The following RANBP2 variants were observed in gnomAD, a reference collection of about 807,000 sequenced individuals.
The protein encoded by RANBP2 is E3 SUMO-protein ligase RanBP2.
Under a neutral mutation model 303.6 loss-of-function variants are expected in RANBP2, and 57 were observed. The ratio of observed to expected loss-of-function variants is 0.19; its 90% CI spans 0.15 to 0.23. The LOEUF is 0.23. RANBP2 is among the 10% of genes least tolerant of loss of function. The pLI, the probability that RANBP2 is intolerant of heterozygous loss-of-function variation, is 1.00. For synonymous variants in RANBP2, 1,167 were observed against 1,301.5 expected, an observed-to-expected ratio of 0.90 and a Z score of 2.23; for missense variants, 3,138 against 3,780.8, an observed-to-expected ratio of 0.83 and a Z score of 4.46.
At chr2:108,754,025 T>C in intron 15 of RANBP2, 54 bp downstream of exon 15, 3 of 1,611,132 alleles carry the variant, frequency 1.9e-6, no homozygotes, top group South Asian at 1.1e-5. Context: ...CTGGTCAATG[T>C]TTTTGCGTTG....
At chr2:109,023,284 A>G in the RANBP2 span, among the ~76,000 whole-genome samples, 1 of 152,226 alleles carries the variant, frequency 6.6e-6, no homozygotes, top group Admixed American at 6.5e-5. Flanking sequence ...GCAGTAAAGG[A>G]TCCCAAACTT....
At position 108,764,236 on chromosome 2, in the gene RANBP2, C is replaced by T. The variant is rs948404019; in HGVS notation, c.3697C>T (p.Leu1233=). 4 of 1,614,050 alleles carry T rather than the reference C, an allele frequency of 2.5e-6. No individual in the cohort carries two copies. Among genetic ancestry groups the T allele is most frequent in the Non-Finnish European group, 3.4e-6 (4 of 1,179,988 alleles). The change falls in exon 20 of 29, where the codon CTA becomes TTA. Residue 1233 remains leucine, a synonymous_variant. Coordinates refer to ENST00000283195, the MANE Select transcript of RANBP2 (RefSeq NM_006267.5). ...RHKTSGKIRL[L]MRREQVLKIC... ...TAAAACATCTGGTAAAATTCGCCTT[C>T]TAATGAGACGAGAGCAAGTATTGAA...
At chr2:109,391,112 C>T in the RANBP2 span, among the ~76,000 whole-genome samples, 87 of 152,324 alleles carry the variant, frequency 5.7e-4, no homozygotes, top group African/African-American at 2.0e-3. Flanking sequence ...CCATTCGCTC[C>T]GACTCCCTCC....
At chr2:109,625,046 ACTCCAGCC>A in the RANBP2 span, among the ~76,000 whole-genome samples, 1 of 144,640 alleles carries the variant, frequency 6.9e-6, no homozygotes, top group African/African-American at 2.6e-5. Flanking sequence ...GCACCACTGC[ACTCCAGCC>A]CTGGTGACAC....
downstream of RANBP2, chr2:108,786,813 G>A (rs747839391): frequency 6.3e-7 from 1 of 1,584,580 alleles, no homozygotes; most frequent in Middle Eastern, 1.7e-4. Flanking sequence ...TGGTACGGTT[G>A]CTGTGTGCTA....
chr2:108,886,374 T>A, the RANBP2 span, among the ~76,000 whole-genome samples: 1 of 152,198 alleles, frequency 6.6e-6, no homozygotes, highest in Admixed American at 6.5e-5. Context: ...TGGTTACCTG[T>A]ATGTCTTCTT....
At chr2:109,509,116 C>T in the RANBP2 span, among the ~76,000 whole-genome samples, 1 of 152,194 alleles carries the variant, frequency 6.6e-6, no homozygotes, top group Non-Finnish European at 1.5e-5. Flanking sequence ...CTTCTCTCCA[C>T]CCCTTCCCAC....
chr2:109,136,884 C>T, the RANBP2 span, among the ~76,000 whole-genome samples: 2 of 152,136 alleles, frequency 1.3e-5, no homozygotes, highest in Non-Finnish European at 2.9e-5. Flanking sequence ...TCTCTGAGAG[C>T]AAGACCTCAC....
At chr2:109,442,366 T>C in the RANBP2 span, among the ~76,000 whole-genome samples, 10 of 150,946 alleles carry the variant, frequency 6.6e-5, no homozygotes, top group Non-Finnish European at 1.3e-4. Flanking sequence ...AATGAAATTA[T>C]TTAGAAAGAA....
the RANBP2 span, among the ~76,000 whole-genome samples, chr2:109,132,370 ACTGG>A: frequency 6.6e-6 from 1 of 152,158 alleles, no homozygotes. Flanking sequence ...GTTTGGTTTT[ACTGG>A]CAGGACACAA....
At chr2:109,530,662 C>A in the RANBP2 span, among the ~76,000 whole-genome samples, 1 of 152,176 alleles carries the variant, frequency 6.6e-6, no homozygotes, top group Non-Finnish European at 1.5e-5. Context: ...TCTGGGTGTA[C>A]CTTTCTGTGT....
At chr2:109,364,901 G>A in the RANBP2 span, among the ~76,000 whole-genome samples, 2 of 152,122 alleles carry the variant, frequency 1.3e-5, no homozygotes, top group African/African-American at 4.8e-5. Flanking sequence ...GACCAGCCTG[G>A]CCAACATGGT....
At chr2:108,987,411 G>A in the RANBP2 span, among the ~76,000 whole-genome samples, 2 of 152,154 alleles carry the variant, frequency 1.3e-5, no homozygotes, top group African/African-American at 2.4e-5. Context: ...TTGGGCTGCC[G>A]CCCAATGGCA....
the RANBP2 span, chr2:109,592,963 A>G: frequency 1.3e-6 from 1 of 789,780 alleles, no homozygotes; most frequent in South Asian, 3.7e-5. Context: ...TCTCTATCAC[A>G]AGAGTCTATA....
At chr2:108,948,988 AT>A in the RANBP2 span, among the ~76,000 whole-genome samples, 1 of 152,048 alleles carries the variant, frequency 6.6e-6, no homozygotes, top group Non-Finnish European at 1.5e-5. Context: ...AAACACATAC[AT>A]GTTTTTAGGC....
At chr2:108,913,949 C>A in the RANBP2 span, among the ~76,000 whole-genome samples, 508 of 109,004 alleles carry the variant, frequency 4.7e-3, no homozygotes, top group Middle Eastern at 5.7e-3. Flanking sequence ...GATTCCGTCT[C>A]AAAAAAAAAA....
chr2:108,796,611 A>ATC, the RANBP2 span, among the ~76,000 whole-genome samples: 1 of 152,250 alleles, frequency 6.6e-6, no homozygotes, highest in Non-Finnish European at 1.5e-5. Flanking sequence ...AAAATGTGGT[A>ATC]TCTATACACA....
At position 108,756,313 on chromosome 2, in the gene RANBP2, C is replaced by A. The variant is rs572356525; in HGVS notation, c.2466+1054C>A. 2.2e-3 allele frequency among the ~76,000 whole-genome samples: 340 copies of A among 152,254 alleles called. 2 individuals carry two copies. Among genetic ancestry groups the A allele is most frequent in the African/African-American group, 7.1e-3 (294 of 41,544 alleles). On this transcript the variant is annotated intron_variant, in intron 17 of 28. Transcript: ENST00000283195. ...TAATACTTCCATATGAATTTGACTT[C>A]ATTATGTAAGGAAATAGTTATGTAT...
the RANBP2 span, among the ~76,000 whole-genome samples, chr2:109,126,335 G>T: frequency 6.6e-6 from 1 of 152,192 alleles, no homozygotes; most frequent in Non-Finnish European, 1.5e-5. Context: ...GTCTTGGGTC[G>T]TGCAAGATAA....
Sources: allele counts gnomAD v4.1 joint callset (sites outside exome capture counted in the v4.1 genomes callset), GRCh38; gene constraint gnomAD v4.1.1; transcripts MANE v1.5; gene names NCBI Gene and HGNC (gene_info 2026-07-23, HGNC 2026-07-21).